Variants in MED26 observed in about 807,000 individuals in gnomAD.
The protein encoded by MED26 is mediator of RNA polymerase II transcription subunit 26.
Under a neutral mutation model 43.7 loss-of-function variants are expected in MED26, and 7 were observed. That is an observed-to-expected ratio of 0.16 (90% CI 0.09 to 0.30). The LOEUF (loss-of-function observed/expected upper bound fraction) is 0.30. Among genes scored for constraint, MED26 ranks in the 10% least tolerant of loss-of-function variants. MED26 has a pLI of 1.00. For missense variants in MED26, 784 were observed against 840.6 expected (o/e 0.93, Z 0.83); for synonymous variants, 375 against 371.1 (o/e 1.01, Z -0.12).
chr19:16,597,448 C>T lies in MED26; in HGVS notation c.73-19039G>A, dbSNP rs916120350. 2.0e-5 allele frequency: 8 copies of T among 398,518 alleles called. No homozygotes were observed. The Admixed American group carries it at 2.6e-4, about 13-fold the overall frequency. 24.7% of individuals were successfully genotyped at this position (398,518 alleles called of 1,614,324 possible). A position where few individuals can be genotyped will look rare whatever the true frequency, so the allele number is the denominator to read the frequency against. On this transcript the variant is annotated intron_variant, in intron 1 of 2. Coordinates refer to ENST00000263390, the MANE Select transcript of MED26 (RefSeq NM_004831.5). ...AACTTACCACTGTTGTTTCACACCG[C>T]ACTTCCTAAACAGGTAACATTTAAG...
chr19:16,581,975 T>C (rs1487268042), intron 1 of MED26, among the ~76,000 whole-genome samples: 3 of 152,208 alleles, frequency 2.0e-5, no homozygotes, highest in Non-Finnish European at 4.4e-5. Context: ...TCCTACGCCG[T>C]AAACAGATGA....
Position 16,575,854 on chromosome 19 carries a change from T to C in MED26, c.*173A>G. ...GTAGCAGCATTTCACAAAAAGAGTT[T>C]TGAGGGAAGAGCGCAGAGAGACCGC... On this transcript the variant is annotated 3_prime_UTR_variant, in exon 3 of 3. Coordinates refer to ENST00000263390, the MANE Select transcript of MED26 (RefSeq NM_004831.5). The C allele has an allele frequency of 1.6e-6, 1 of 609,836 alleles. No individual in the cohort carries two copies. The highest frequency in any genetic ancestry group is 2.9e-6 in the Non-Finnish European group (1 of 348,446). 37.8% of individuals were successfully genotyped at this position (609,836 alleles called of 1,614,324 possible).
At chr19:16,593,687 C>T (rs1486487929) in intron 1 of MED26, among the ~76,000 whole-genome samples, 4 of 152,158 alleles carry the variant, frequency 2.6e-5, no homozygotes, top group Non-Finnish European at 5.9e-5. Flanking sequence ...TGTCAGCTGT[C>T]ACCTGCACTG....
rs1486558834 is a variant in MED26 at position 16,576,136 on chromosome 19, C to G, written c.1694G>C (p.Gly565Ala). 1 of 1,613,854 alleles carries G rather than the reference C, an allele frequency of 6.2e-7. No homozygotes were observed. Among genetic ancestry groups the G allele is most frequent in the Non-Finnish European group, 8.5e-7 (1 of 1,180,034 alleles). Residue 565 changes from glycine to alanine, a missense_variant, in exon 3 of 3, where the codon GGG becomes GCG. Gly to Ala is a moderately conservative substitution (Grantham distance 60). This residue lies in a region of MED26 where 719 missense variants were observed against 730.9 expected (regional missense o/e 0.98). Coordinates refer to ENST00000263390, the MANE Select transcript of MED26 (RefSeq NM_004831.5). The surrounding 1 kb of genome is among the most constrained non-coding windows in gnomAD (Gnocchi z 6.8). The part of the protein sequence containing the change: ...IQASQWPGVN[G>A]CQDTQGNWYD... ...CCAGTTACCCTGTGTGTCCTGACAC[C>G]CGTTCACCCCCGGCCACTGGCTGGC...
intron 1 of MED26, among the ~76,000 whole-genome samples, chr19:16,591,352 A>G (rs2086096824): frequency 6.6e-6 from 1 of 152,048 alleles, no homozygotes; most frequent in Non-Finnish European, 1.5e-5. Context: ...AATGCACACA[A>G]TGCACTCCCC....
chr19:16,625,590 C>T (rs1181723510), intron 1 of MED26, among the ~76,000 whole-genome samples: 1 of 151,728 alleles, frequency 6.6e-6, no homozygotes, highest in East Asian at 1.9e-4. Context: ...ACTAAATATC[C>T]AGTAGTGGAG....
chr19:16,581,449 C>T (rs562040739), intron 1 of MED26, among the ~76,000 whole-genome samples: 1 of 152,350 alleles, frequency 6.6e-6, no homozygotes, highest in Admixed American at 6.5e-5. Context: ...TGCCACATGG[C>T]TTCACCTCCA....
At chr19:16,599,226 T>C (rs1273747388) in intron 1 of MED26, among the ~76,000 whole-genome samples, 1 of 152,114 alleles carries the variant, frequency 6.6e-6, no homozygotes, top group Non-Finnish European at 1.5e-5. Context: ...GTTATACTTT[T>C]CCCTAGTACC....
chr19:16,621,955 A>T (rs988680676), intron 1 of MED26, among the ~76,000 whole-genome samples: 3 of 152,062 alleles, frequency 2.0e-5, no homozygotes, highest in African/African-American at 7.2e-5. Context: ...CACCCCAACC[A>T]TACCCACAGA....
At chr19:16,591,637 G>A (rs2086098126) in intron 1 of MED26, among the ~76,000 whole-genome samples, 1 of 152,172 alleles carries the variant, frequency 6.6e-6, no homozygotes, top group Non-Finnish European at 1.5e-5. Flanking sequence ...GGAGACCCAG[G>A]TGAAGGAACC....
At chr19:16,615,085 G>C (rs1235352889) in intron 1 of MED26, among the ~76,000 whole-genome samples, 1 of 152,096 alleles carries the variant, frequency 6.6e-6, no homozygotes, top group Non-Finnish European at 1.5e-5. Context: ...AAGGGGAATG[G>C]GGGTGGGGGA....
chr19:16,593,939 C>T (rs1213481609), intron 1 of MED26, among the ~76,000 whole-genome samples: 1 of 152,188 alleles, frequency 6.6e-6, no homozygotes. Context: ...GTTTTCAATG[C>T]AGAGGTCCTG....
intron 1 of MED26, among the ~76,000 whole-genome samples, chr19:16,600,937 C>A (rs1459045593): frequency 1.3e-5 from 2 of 152,066 alleles, no homozygotes; most frequent in Non-Finnish European, 2.9e-5. Context: ...CTACAAAAAA[C>A]ACAAAAATTA....
At chr19:16,606,005 C>T (rs1163075626) in intron 1 of MED26, among the ~76,000 whole-genome samples, 1 of 152,240 alleles carries the variant, frequency 6.6e-6, no homozygotes, top group Non-Finnish European at 1.5e-5. Context: ...CTTCTTCCTT[C>T]ACTCAAAACT....
rs754009409 is a variant in MED26, at chr19:16,576,863, T to G, written c.967A>C (p.Thr323Pro). 1 of 1,610,550 alleles carries G rather than the reference T, an allele frequency of 6.2e-7. No individual in the cohort carries two copies. The highest frequency in any genetic ancestry group is 1.7e-5 in the Admixed American group (1 of 59,898). ...PSPLPLAQPS[T>P]PPVRRLELLP... ...AGCTCGAGCCGCCGTACGGGGGGTG[T>G]GGACGGCTGTGCCAGTGGAAGCGGT... is the stretch of plus-strand genomic sequence containing the variant. The change falls in exon 3 of 3, where the codon ACA (threonine) becomes CCA (proline). Residue 323 changes from threonine to proline, a missense_variant. By Grantham distance (38) the Thr-to-Pro change is conservative. Around this residue, in one of 3 missense-constraint regions of MED26, gnomAD observed 719 missense variants for 730.9 expected, o/e 0.98. Transcript: ENST00000263390. This position sits in a 1 kb window ranked among gnomAD's most constrained non-coding sequence, Gnocchi z 6.8.
At chr19:16,627,037 C>T (rs982384863) in intron 1 of MED26, among the ~76,000 whole-genome samples, 1 of 151,698 alleles carries the variant, frequency 6.6e-6, no homozygotes, top group Non-Finnish European at 1.5e-5. Flanking sequence ...GGAGTTAACC[C>T]CGACAGTCTG....
chr19:16,622,307 C>A (rs1018171713), intron 1 of MED26, among the ~76,000 whole-genome samples: 1 of 152,160 alleles, frequency 6.6e-6, no homozygotes, highest in African/African-American at 2.4e-5. Context: ...GCTCTATCTG[C>A]CCTCCTCCCT....
intron 1 of MED26, among the ~76,000 whole-genome samples, chr19:16,616,973 T>C (rs2086229103): frequency 6.6e-6 from 1 of 152,098 alleles, no homozygotes; most frequent in Non-Finnish European, 1.5e-5. Context: ...CAGGCATCCT[T>C]GTGCCCAAGG....
chr19:16,603,383 G>T (rs1287229573), intron 1 of MED26, among the ~76,000 whole-genome samples: 1 of 152,096 alleles, frequency 6.6e-6, no homozygotes, highest in African/African-American at 2.4e-5. Flanking sequence ...GGTGGGTCTC[G>T]ATCTGTGCAA....
Sources: allele counts gnomAD v4.1 joint callset (sites outside exome capture counted in the v4.1 genomes callset), GRCh38; gene constraint gnomAD v4.1.1; regional missense constraint gnomAD v4.1.1; non-coding constraint Gnocchi (gnomAD v3.1); transcripts MANE v1.5; gene names NCBI Gene and HGNC (gene_info 2026-07-23, HGNC 2026-07-21).